Variants in DCC observed in about 807,000 individuals in gnomAD.
The protein encoded by DCC is DCC netrin 1 receptor.
In DCC, 58 loss-of-function variants were observed where a neutral mutation model predicts 172.5. The ratio of observed to expected loss-of-function variants is 0.34; its 90% CI spans 0.27 to 0.42. DCC has a LOEUF of 0.42. Ranked by LOEUF, DCC falls within the 10% of genes least tolerant of loss-of-function variation. The pLI, the probability that DCC is intolerant of heterozygous loss-of-function variation, is 1.00. For missense variants in DCC, 1,740 were observed against 1,791.0 expected, an observed-to-expected ratio of 0.97 and a Z score of 0.51; for synonymous variants, 709 against 644.5, an observed-to-expected ratio of 1.10 and a Z score of -1.52.
At position 52,834,902 on chromosome 18, in the gene DCC, A is replaced by G. The variant is rs546241142; in HGVS notation, c.413-71142A>G. Reference sequence around the variant, plus strand: ...CTACTATATGTGTTTATGTGTGTGCATACACTATATATGTATATGTATATT... The same window carrying G: ...CTACTATATGTGTTTATGTGTGTGCGTACACTATATATGTATATGTATATT... On this transcript the variant is annotated intron_variant, in intron 2 of 28. Transcript: ENST00000442544. Among the ~76,000 whole-genome samples, 5 of 128,416 alleles carry G rather than the reference A, an allele frequency of 3.9e-5. No individual in the cohort carries two copies. In the East Asian group the frequency reaches 6.5e-4, roughly 17 times the overall value. 84.2% of individuals were successfully genotyped at this position (128,416 alleles called of 152,430 possible).
At chr18:52,558,252 T>A in intron 1 of DCC, among the ~76,000 whole-genome samples, 1 of 151,714 alleles carries the variant, frequency 6.6e-6, no homozygotes, top group South Asian at 2.1e-4. Context: ...TTATTAATAT[T>A]ACTATTAATT....
At chr18:52,410,493 A>G (rs946396506) in intron 1 of DCC, among the ~76,000 whole-genome samples, 3 of 152,146 alleles carry the variant, frequency 2.0e-5, no homozygotes, top group African/African-American at 7.2e-5. Context: ...TGTTCCCCCC[A>G]TATAAGGAAA....
intron 1 of DCC, among the ~76,000 whole-genome samples, chr18:52,378,103 G>A (rs1041103263): frequency 1.3e-5 from 2 of 151,998 alleles, no homozygotes; most frequent in African/African-American, 4.8e-5. Flanking sequence ...TATCTGTGAA[G>A]CAATAATAAT....
At chr18:52,790,311 C>G (rs1315004524) in intron 2 of DCC, among the ~76,000 whole-genome samples, 2 of 152,168 alleles carry the variant, frequency 1.3e-5, no homozygotes, top group Non-Finnish European at 2.9e-5. Flanking sequence ...GAAAGACACA[C>G]AAAGCACACC....
intron 1 of DCC, among the ~76,000 whole-genome samples, chr18:52,423,418 G>GA (rs987280546): frequency 6.6e-6 from 1 of 152,106 alleles, no homozygotes; most frequent in African/African-American, 2.4e-5. Context: ...TGAAATGTCT[G>GA]AAACACCTGC....
intron 12 of DCC, among the ~76,000 whole-genome samples, chr18:53,260,551 C>T (rs1483103007): frequency 1.3e-5 from 2 of 152,036 alleles, no homozygotes; most frequent in East Asian, 1.9e-4. Flanking sequence ...GCTGCCTGAT[C>T]GTTCCTCTGG....
chr18:53,309,962 G>GTATATATATA (rs5825007), intron 13 of DCC, among the ~76,000 whole-genome samples: 41,149 of 131,890 alleles, frequency 0.31, 6,958 homozygotes, highest in South Asian at 0.43. Flanking sequence ...ATATACGTGT[G>GTATATATATA]TGTATATATA....
At chr18:52,775,298 G>A (rs1435203123) in intron 2 of DCC, among the ~76,000 whole-genome samples, 5 of 152,186 alleles carry the variant, frequency 3.3e-5, no homozygotes, top group African/African-American at 4.8e-5. Context: ...AGGGGTGAAT[G>A]TTTACAGCTC....
chr18:52,459,515 TG>T (rs905387671), intron 1 of DCC, among the ~76,000 whole-genome samples: 58 of 151,888 alleles, frequency 3.8e-4, no homozygotes, highest in African/African-American at 1.4e-3. Flanking sequence ...TCGCCCAGGC[TG>T]GAGTGCAGTG....
chr18:52,427,393 G>A (rs1163166827), intron 1 of DCC, among the ~76,000 whole-genome samples: 1 of 151,084 alleles, frequency 6.6e-6, no homozygotes, highest in African/African-American at 2.5e-5. Flanking sequence ...TAAGAAGGAA[G>A]GAAGAGAAGG....
chr18:52,640,163 C>T (rs1167927586), intron 1 of DCC, among the ~76,000 whole-genome samples: 1 of 152,092 alleles, frequency 6.6e-6, no homozygotes, highest in African/African-American at 2.4e-5. Context: ...TCCAGCATTG[C>T]CTTATGATTA....
intron 2 of DCC, among the ~76,000 whole-genome samples, chr18:52,769,464 G>T (rs1022331914): frequency 7.9e-5 from 12 of 152,002 alleles, no homozygotes; most frequent in Admixed American, 5.9e-4. Context: ...TGTATATTTG[G>T]TTTGAGAGTC....
At chr18:53,412,847 A>T (rs997823530) in intron 20 of DCC, among the ~76,000 whole-genome samples, 1 of 152,204 alleles carries the variant, frequency 6.6e-6, no homozygotes, top group East Asian at 1.9e-4. Flanking sequence ...TTAAAAGGAC[A>T]TTTGTAATTA....
chr18:53,485,291 A>T (rs567628401), intron 25 of DCC, among the ~76,000 whole-genome samples: 46 of 152,184 alleles, frequency 3.0e-4, no homozygotes, highest in Admixed American at 8.5e-4. Context: ...ATGTATTTTT[A>T]AAAAAATTCT....
chr18:53,018,407 G>C (rs1278033464), intron 5 of DCC, among the ~76,000 whole-genome samples: 1 of 152,088 alleles, frequency 6.6e-6, no homozygotes, highest in Non-Finnish European at 1.5e-5. Context: ...CACTAACCTC[G>C]TTGCCTACGT....
chr18:52,936,964 T>G (rs1568198014), intron 5 of DCC, among the ~76,000 whole-genome samples: 1 of 152,214 alleles, frequency 6.6e-6, no homozygotes, highest in Admixed American at 6.5e-5. Context: ...TGCAATCATT[T>G]CAGTAACTTT....
intron 9 of DCC, among the ~76,000 whole-genome samples, chr18:53,201,275 C>A (rs1598900218): frequency 6.6e-6 from 1 of 152,126 alleles, no homozygotes; most frequent in African/African-American, 2.4e-5. Context: ...AATCTCTGCT[C>A]CCAGATTGAG....
chr18:52,974,443 A>G (rs1017250726), intron 5 of DCC, among the ~76,000 whole-genome samples: 1 of 152,238 alleles, frequency 6.6e-6, no homozygotes, highest in African/African-American at 2.4e-5. Flanking sequence ...CCACATTTGC[A>G]TAAGGCTGCC....
chr18:52,448,627 G>A (rs1988203604), intron 1 of DCC, among the ~76,000 whole-genome samples: 1 of 152,156 alleles, frequency 6.6e-6, no homozygotes, highest in South Asian at 2.1e-4. Context: ...GGGAGAGACA[G>A]ATGGAAAAAC....
Sources: allele counts gnomAD v4.1 joint callset (sites outside exome capture counted in the v4.1 genomes callset), GRCh38; gene constraint gnomAD v4.1.1; transcripts MANE v1.5; gene names NCBI Gene and HGNC (gene_info 2026-07-23, HGNC 2026-07-21).